The following TM9SF4 variants were observed in gnomAD, a reference collection of about 807,000 sequenced individuals.
The protein encoded by TM9SF4 is transmembrane 9 superfamily member 4.
A neutral mutation model predicts 90.4 loss-of-function variants in TM9SF4; 26 were observed. That is an observed-to-expected ratio of 0.29 (90% CI 0.21 to 0.40). TM9SF4 has a LOEUF of 0.40. TM9SF4 is among the 10% of genes least tolerant of loss of function. TM9SF4 has a pLI of 1.00. For missense variants in TM9SF4, 549 were observed against 834.8 expected (o/e 0.66, Z 4.22); for synonymous variants, 293 against 315.4 (o/e 0.93, Z 0.75).
chr20:32,140,688 A>G (rs1187147716), intron 3 of TM9SF4, among the ~76,000 whole-genome samples: 1 of 152,172 alleles, frequency 6.6e-6, no homozygotes, highest in Non-Finnish European at 1.5e-5. Context: ...GCTCAGTGAG[A>G]TGGAGTGACT....
chr20:32,160,096 C>T lies in TM9SF4; in HGVS notation c.1674C>T (p.Phe558=). The change falls in exon 16 of 18, where the codon TTC becomes TTT. Residue 558 remains phenylalanine (F), a synonymous_variant. Coordinates refer to ENST00000398022, the MANE Select transcript of TM9SF4 (RefSeq NM_014742.4). Reference sequence around the variant, plus strand: ...AAATCAGCATCGTCATGGTGTACTTCCAGCTGTGTGCAGAGGTGAGGAGAG... The same window carrying T: ...AAATCAGCATCGTCATGGTGTACTTTCAGCTGTGTGCAGAGGTGAGGAGAG... ...CSQISIVMVY[F]QLCAEDYRWW... 1 of 1,614,204 alleles carries T rather than the reference C, an allele frequency of 6.2e-7. No homozygotes were observed. Among genetic ancestry groups the T allele is most frequent in the Non-Finnish European group, 8.5e-7 (1 of 1,180,034 alleles).
At position 32,109,877 on chromosome 20, in the gene TM9SF4, G is replaced by T; in HGVS notation, c.15+122G>T. Reference sequence around the variant, plus strand: ...CGGGACCCCTGACTCAGGCCTGAGGGCTACCTCTGACTGGGCTTGTCTTCC... The same window carrying T: ...CGGGACCCCTGACTCAGGCCTGAGGTCTACCTCTGACTGGGCTTGTCTTCC... On this transcript the variant is annotated intron_variant, in intron 1 of 17. Transcript: ENST00000398022. 1.3e-6 allele frequency: 2 copies of T among 1,522,096 alleles called. 1 individual carries two copies. Among genetic ancestry groups the T allele is most frequent in the South Asian group, 2.4e-5 (2 of 82,364 alleles). 94.3% of individuals were successfully genotyped at this position (1,522,096 alleles called of 1,614,324 possible).
chr20:32,150,687 C>T lies in TM9SF4; in HGVS notation c.1153C>T (p.Leu385Phe), dbSNP rs757978649. Reference sequence around the variant, plus strand: ...AGCTCTCATGACCACAGCCTGCTTCCTCTTCATGTTCATGGGGTAGGTGTG... The same window carrying T: ...AGCTCTCATGACCACAGCCTGCTTCTTCTTCATGTTCATGGGGTAGGTGTG... Reference protein sequence around the residue: ...RGALMTTACFLFMFMGVFGGF... With the variant: ...RGALMTTACFFFMFMGVFGGF... Residue 385 changes from leucine to phenylalanine, a missense_variant, in exon 11 of 18, where the codon CTC (leucine) becomes TTC (phenylalanine). Physicochemically the swap from Leu to Phe is conservative, Grantham distance 22. Coordinates refer to ENST00000398022, the MANE Select transcript of TM9SF4 (RefSeq NM_014742.4). The T allele has an allele frequency of 6.2e-7, 1 of 1,614,264 alleles. No individual in the cohort carries two copies. The highest frequency in any genetic ancestry group is 8.5e-7 in the Non-Finnish European group (1 of 1,180,056).
chr20:32,128,686 G>A (rs1381321186), intron 1 of TM9SF4, among the ~76,000 whole-genome samples: 1 of 152,004 alleles, frequency 6.6e-6, no homozygotes, highest in East Asian at 1.9e-4. Flanking sequence ...AGTATTTGAC[G>A]TTGTTTCTGA....
At chr20:32,129,118 TA>T (rs11475892) in intron 1 of TM9SF4, among the ~76,000 whole-genome samples, 37,549 of 147,850 alleles carry the variant, frequency 0.25, 5,812 homozygotes, top group African/African-American at 0.43. Context: ...TTTCCAAAGA[TA>T]AAAAAAAAAA....
At chr20:32,143,174 C>T in intron 6 of TM9SF4, 69 bp downstream of exon 6, 1 of 1,570,834 alleles carries the variant, frequency 6.4e-7, no homozygotes, top group Non-Finnish European at 8.7e-7. Context: ...AGGGTCTTCG[C>T]ACTCTTCTCC....
intron 9 of TM9SF4, among the ~76,000 whole-genome samples, chr20:32,149,395 C>T (rs1418607910): frequency 6.6e-6 from 1 of 152,122 alleles, no homozygotes; most frequent in Non-Finnish European, 1.5e-5. Flanking sequence ...CATTATTTTC[C>T]CACAAACGAG....
rs778685407 is a variant in TM9SF4, at chr20:32,136,142, C to T, written c.198C>T (p.Pro66=). Residue 66 remains proline, a synonymous_variant, in exon 3 of 18, where the codon CCC becomes CCT. Transcript: ENST00000398022. Reference sequence around the variant, plus strand: ...ACTATTCACTGCCCTTCTGCCAGCCCAGCAAGATAACCTACAAGGCAGAGA... The same window carrying T: ...ACTATTCACTGCCCTTCTGCCAGCCTAGCAAGATAACCTACAAGGCAGAGA... ...YEYYSLPFCQ[P]SKITYKAENL... 2.5e-6 allele frequency: 4 copies of T among 1,614,090 alleles called. No individual in the cohort carries two copies. The East Asian group carries it at 8.9e-5, about 36-fold the overall frequency.
chr20:32,158,479 G>A lies in TM9SF4; in HGVS notation c.1534G>A (p.Gly512Ser). 3 of 1,614,106 alleles carry A rather than the reference G, an allele frequency of 1.9e-6. No homozygotes were observed. Among genetic ancestry groups the A allele is most frequent in the South Asian group, 1.1e-5 (1 of 91,080 alleles). ...CCTCATGGCTGGGATCTTGCCCTTC[G>A]GCGCCATGTTCATCGAGCTCTTCTT... is the stretch of plus-strand genomic sequence containing the variant. ...GILMAGILPFGAMFIELFFIF... is the reference protein window; with the variant it reads ...GILMAGILPFSAMFIELFFIF... Residue 512 changes from glycine (G) to serine (S), a missense_variant, in exon 15 of 18, where the codon GGC becomes AGC. Gly to Ser is a moderately conservative substitution (Grantham distance 56, BLOSUM62 0). Transcript: ENST00000398022.
intron 10 of TM9SF4, among the ~76,000 whole-genome samples, chr20:32,150,421 C>T (rs6089197): frequency 0.099 from 15,110 of 152,260 alleles, 1,559 homozygotes; most frequent in African/African-American, 0.26. Flanking sequence ...TGCACCCCTC[C>T]GAACCCCAAC....
chr20:32,122,032 A>AC (rs1255164901), intron 1 of TM9SF4, among the ~76,000 whole-genome samples: 31 of 116,110 alleles, frequency 2.7e-4, no homozygotes, highest in South Asian at 1.5e-3. Flanking sequence ...CGGGGGGCTG[A>AC]CCCCCCCACC....
At chr20:32,124,863 G>A (rs187154981) in intron 1 of TM9SF4, among the ~76,000 whole-genome samples, 40 of 152,226 alleles carry the variant, frequency 2.6e-4, no homozygotes, top group Non-Finnish European at 4.6e-4. Context: ...CTTGGATTAC[G>A]GGTGTGAGCC....
Position 32,161,289 on chromosome 20 carries a change from G to A in TM9SF4, c.1703G>A (p.Trp568Ter), listed in dbSNP as rs1468824541. The change falls in exon 17 of 18, where the codon TGG (tryptophan) becomes TAG (stop). Residue 568 changes from tryptophan to a stop codon, truncating the protein, a stop_gained. Coordinates refer to ENST00000398022, the MANE Select transcript of TM9SF4 (RefSeq NM_014742.4). LOFTEE classifies it high-confidence loss of function. ...FQLCAEDYRW[W>*]WRNFLVSGGS... ...TTTCCTCCTCAGGATTACCGCTGGT[G>A]GTGGAGAAATTTCCTAGTCTCCGGG... is the stretch of plus-strand genomic sequence containing the variant. The A allele has an allele frequency of 6.2e-7, 1 of 1,613,716 alleles. No homozygotes were observed. Among genetic ancestry groups the A allele is most frequent in the African/African-American group, 1.3e-5 (1 of 74,880 alleles).
chr20:32,116,960 C>CACTG (rs937015177), intron 1 of TM9SF4, among the ~76,000 whole-genome samples: 36 of 145,124 alleles, frequency 2.5e-4, no homozygotes, highest in African/African-American at 9.2e-4. Flanking sequence ...TGGCTTACAC[C>CACTG]TGTAATCCCA....
chr20:32,159,685 G>A, intron 15 of TM9SF4: 1 of 403,376 alleles, frequency 2.5e-6, no homozygotes, highest in Non-Finnish European at 4.6e-6. Flanking sequence ...CCTAGCGCTT[G>A]GTAAGCTGCT....
At chr20:32,137,864 C>G (rs1363171150) in intron 3 of TM9SF4, among the ~76,000 whole-genome samples, 1 of 152,176 alleles carries the variant, frequency 6.6e-6, no homozygotes, top group African/African-American at 2.4e-5. Flanking sequence ...CTCTTACTCT[C>G]CTTATTATAA....
chr20:32,161,994 AG>A, intron 17 of TM9SF4, among the ~76,000 whole-genome samples: 1 of 152,218 alleles, frequency 6.6e-6, no homozygotes, highest in Admixed American at 6.5e-5. Flanking sequence ...TTACCTGACT[AG>A]GGCAACTCAC....
Position 32,122,306 on chromosome 20 carries a change from A to AC in TM9SF4, c.16-10699dup, listed in dbSNP as rs564766085. Reference sequence around the variant, plus strand: ...GGGCGGCTGGCCTGGCGGGGGGCTGACCCCCCCCACCTCCCTCCCGGACGG... The same window carrying AC: ...GGGCGGCTGGCCTGGCGGGGGGCTGACCCCCCCCCACCTCCCTCCCGGACGG... On this transcript the variant is annotated intron_variant, in intron 1 of 17. Transcript: ENST00000398022. 4.0e-3 allele frequency among the ~76,000 whole-genome samples: 359 copies of AC among 89,740 alleles called. 3 individuals carry two copies. The highest frequency in any genetic ancestry group is 0.017 in the Middle Eastern group (2 of 120). 58.9% of individuals were successfully genotyped at this position (89,740 alleles called of 152,430 possible).
intron 1 of TM9SF4, among the ~76,000 whole-genome samples, chr20:32,115,806 G>GTTT (rs1243268586): frequency 0.015 from 1,636 of 105,930 alleles, 107 homozygotes; most frequent in East Asian, 0.031. Flanking sequence ...ACCACTTTAA[G>GTTT]CTTTTTTTTT....
Sources: gnomAD v4.1 joint callset for allele counts (sites outside exome capture counted in the v4.1 genomes callset) on GRCh38, gnomAD v4.1.1 for gene constraint, MANE v1.5 for transcripts, NCBI Gene and HGNC (gene_info 2026-07-23, HGNC 2026-07-21) for gene names.